The following ANK1 variants were observed in gnomAD, a reference collection of about 807,000 sequenced individuals.
ANK1 encodes ankyrin-1.
A neutral mutation model predicts 210.4 loss-of-function variants in ANK1; 51 were observed. That is an observed-to-expected ratio of 0.24 (90% confidence interval 0.19 to 0.31). The LOEUF is 0.31. Among genes scored for constraint, ANK1 ranks in the 10% least tolerant of loss-of-function variants. The probability of loss-of-function intolerance (pLI) is 1.00; values close to 1 mark genes in which losing one functional copy is unlikely to be tolerated. For synonymous variants in ANK1, 967 were observed against 1,025.9 expected (o/e 0.94, Z 1.10); for missense variants, 2,051 against 2,504.4 (o/e 0.82, Z 3.86).
intron 1 of ANK1, among the ~76,000 whole-genome samples, chr8:41,875,364 G>A (rs994314705): frequency 2.6e-5 from 4 of 152,230 alleles, no homozygotes; most frequent in African/African-American, 4.8e-5. Flanking sequence ...GAATGGGTCA[G>A]CATGGATGGA....
chr8:41,669,483 T>G (rs923552472), intron 38 of ANK1, among the ~76,000 whole-genome samples: 1 of 152,044 alleles, frequency 6.6e-6, no homozygotes, highest in Non-Finnish European at 1.5e-5. Flanking sequence ...TTTGTAGAGA[T>G]GGGTTCTGGC....
chr8:41,720,682 CACAA>C (rs1829024006), intron 9 of ANK1, among the ~76,000 whole-genome samples: 1 of 152,026 alleles, frequency 6.6e-6, no homozygotes, highest in Admixed American at 6.6e-5. Context: ...CAGAGTTGTG[CACAA>C]ACAGATGGCG....
intron 1 of ANK1, among the ~76,000 whole-genome samples, chr8:41,823,112 T>G (rs1804763877): frequency 6.6e-6 from 1 of 152,198 alleles, no homozygotes; most frequent in Non-Finnish European, 1.5e-5. Flanking sequence ...ACACGGCGCA[T>G]GACCTTTTTA....
At chr8:41,715,182 G>A (rs1827287226) in intron 14 of ANK1, 108 bp from the exon 15 acceptor site, 1 of 1,031,662 alleles carries the variant, frequency 9.7e-7, no homozygotes, top group Non-Finnish European at 1.5e-6. Flanking sequence ...AGAGGCCAAT[G>A]AAAGCAAAGG....
At chr8:41,881,576 C>T (rs1373088898) in intron 1 of ANK1, among the ~76,000 whole-genome samples, 1 of 152,264 alleles carries the variant, frequency 6.6e-6, no homozygotes, top group Non-Finnish European at 1.5e-5. Flanking sequence ...AAGCTCTAGG[C>T]TCTGTGTTAC....
intron 17 of ANK1, 117 bp from the exon 18 acceptor site, chr8:41,706,358 G>C (rs1824577298): frequency 1.1e-6 from 1 of 914,692 alleles, no homozygotes; most frequent in Admixed American, 2.0e-5. Context: ...TAGTTATTTG[G>C]CTCCAGGCAA....
chr8:41,692,907 A>G lies in ANK1; in HGVS notation c.3630-31T>C, dbSNP rs771639188. On this transcript the variant is annotated intron_variant, in intron 30 of 42. Coordinates refer to ENST00000289734, the MANE Select transcript of ANK1 (RefSeq NM_000037.4). ...AAGTAGGGCGAGTTATGTGTTCCCA[A>G]GTGCCCAACAGAGAGCATCCTTTCC... is the stretch of plus-strand genomic sequence containing the variant. 10 of 1,599,672 alleles carry G rather than the reference A, an allele frequency of 6.3e-6. No individual in the cohort carries two copies. The East Asian group carries it at 2.0e-4, about 32-fold the overall frequency.
intron 1 of ANK1, among the ~76,000 whole-genome samples, chr8:41,787,444 C>G (rs1331454522): frequency 2.0e-5 from 3 of 152,062 alleles, no homozygotes; most frequent in Non-Finnish European, 4.4e-5. Context: ...TGGTGACCCA[C>G]CCCCCAACCC....
At chr8:41,735,375 C>T (rs932536992) in intron 2 of ANK1, among the ~76,000 whole-genome samples, 4 of 152,152 alleles carry the variant, frequency 2.6e-5, no homozygotes, top group African/African-American at 4.8e-5. Context: ...TTGTTCCTGT[C>T]CTCCTCCTTC....
chr8:41,733,115 T>A (rs1832622877), intron 3 of ANK1, among the ~76,000 whole-genome samples: 2 of 152,266 alleles, frequency 1.3e-5, no homozygotes, highest in Admixed American at 1.3e-4. Flanking sequence ...ATGAAACTTA[T>A]TTTGCAATCT....
chr8:41,724,367 C>T (rs924351010), intron 7 of ANK1, 89 bp downstream of exon 7: 3 of 1,167,102 alleles, frequency 2.6e-6, no homozygotes, highest in African/African-American at 3.1e-5. Flanking sequence ...GGCACTTCTG[C>T]CACTGGGATG....
At chr8:41,671,823 CTAAG>C (rs749811580) in intron 38 of ANK1, among the ~76,000 whole-genome samples, 7 of 143,686 alleles carry the variant, frequency 4.9e-5, no homozygotes, top group Non-Finnish European at 7.5e-5. Context: ...CCTAATGTCC[CTAAG>C]TGAGTCCTCC....
chr8:41,690,233 G>A lies in ANK1; in HGVS notation c.4098C>T (p.Cys1366=), dbSNP rs538989808. The change falls in exon 33 of 43, where the codon TGC becomes TGT. Residue 1366 remains cysteine (C), a synonymous_variant. Transcript: ENST00000289734. ...LCHLNITMPP[C]AKGSGAEDRR... ...TCGGCAGGTGCCAGCTCACCTTGGC[G>A]CAGGGGGGCATGGTGATGTTCAGGT... is the stretch of plus-strand genomic sequence containing the variant. 103 of 1,614,212 alleles carry A rather than the reference G, an allele frequency of 6.4e-5. No individual in the cohort carries two copies. Among genetic ancestry groups the A allele is most frequent in the East Asian group, 4.7e-4 (21 of 44,880 alleles).
intron 1 of ANK1, among the ~76,000 whole-genome samples, chr8:41,810,878 C>A (rs1802386144): frequency 6.6e-6 from 1 of 152,230 alleles, no homozygotes; most frequent in Non-Finnish European, 1.5e-5. Context: ...GGCTGGGAAA[C>A]TGAAACAATG....
intron 1 of ANK1, among the ~76,000 whole-genome samples, chr8:41,803,666 A>G (rs907358151): frequency 6.6e-6 from 1 of 151,432 alleles, no homozygotes; most frequent in African/African-American, 2.4e-5. Context: ...TTAAAGTTTT[A>G]CCATTAAGTA....
At chr8:41,760,402 G>A (rs565636514) in intron 1 of ANK1, among the ~76,000 whole-genome samples, 1 of 152,280 alleles carries the variant, frequency 6.6e-6, no homozygotes, top group Admixed American at 6.5e-5. Flanking sequence ...TGTAAGACAT[G>A]CCTTTGCTCT....
intron 1 of ANK1, among the ~76,000 whole-genome samples, chr8:41,874,912 T>C (rs1176762984): frequency 6.6e-6 from 1 of 152,196 alleles, no homozygotes; most frequent in Non-Finnish European, 1.5e-5. Flanking sequence ...CAACTCCTCC[T>C]GGCACTTGCA....
At chr8:41,722,400 C>G (rs556464647) in intron 9 of ANK1, among the ~76,000 whole-genome samples, 2 of 152,208 alleles carry the variant, frequency 1.3e-5, no homozygotes, top group South Asian at 2.1e-4. Flanking sequence ...CAGAACTGCT[C>G]GTGGGAAACC....
chr8:41,830,692 A>G (rs944322431), intron 1 of ANK1, among the ~76,000 whole-genome samples: 13 of 152,172 alleles, frequency 8.5e-5, no homozygotes, highest in African/African-American at 2.9e-4. Flanking sequence ...GTCAGAAGCG[A>G]GTAAGAAAAG....
Sources: gnomAD v4.1 joint callset for allele counts (sites outside exome capture counted in the v4.1 genomes callset) on GRCh38, gnomAD v4.1.1 for gene constraint, MANE v1.5 for transcripts, NCBI Gene and HGNC (gene_info 2026-07-23, HGNC 2026-07-21) for gene names.